SETD3: variants seen among roughly 807,000 people sequenced by gnomAD.
SETD3 encodes the protein actin-histidine N-methyltransferase.
Under a neutral mutation model 63.0 loss-of-function variants are expected in SETD3, and 19 were observed. That is an observed-to-expected ratio of 0.30 (90% CI 0.21 to 0.44). The LOEUF (loss-of-function observed/expected upper bound fraction) is 0.44, where lower values mean the gene tolerates loss of function less well. Among genes scored for constraint, SETD3 ranks in the 20% least tolerant of loss-of-function variants. The pLI, the probability that SETD3 is intolerant of heterozygous loss-of-function variation, is 1.00. For synonymous variants in SETD3, 286 were observed against 264.1 expected, an observed-to-expected ratio of 1.08 and a Z score of -0.80; for missense variants, 587 against 728.5, an observed-to-expected ratio of 0.81 and a Z score of 2.24.
intron 3 of SETD3, among the ~76,000 whole-genome samples, chr14:99,463,114 T>C (rs1895166230): frequency 1.3e-5 from 2 of 152,232 alleles, no homozygotes; most frequent in South Asian, 4.1e-4. Flanking sequence ...ACCTTGCTAA[T>C]GCATTAACCA....
At chr14:99,402,520 T>C (rs1244976566) in intron 11 of SETD3, among the ~76,000 whole-genome samples, 1 of 152,150 alleles carries the variant, frequency 6.6e-6, no homozygotes, top group African/African-American at 2.4e-5. Context: ...CCTCCCAGGC[T>C]CAATCAATCC....
chr14:99,478,489 C>A (rs921262446), intron 1 of SETD3, among the ~76,000 whole-genome samples: 3 of 152,226 alleles, frequency 2.0e-5, no homozygotes, highest in South Asian at 2.1e-4. Flanking sequence ...AGTTCTAAAC[C>A]CTACTTCGGA....
chr14:99,431,616 G>A (rs946769812), intron 6 of SETD3, among the ~76,000 whole-genome samples: 6 of 151,954 alleles, frequency 3.9e-5, no homozygotes, highest in Admixed American at 2.6e-4. Flanking sequence ...CTCAGCTCCT[G>A]AGTAGGTGGG....
At chr14:99,467,262 A>G (rs1173703209) in intron 1 of SETD3, among the ~76,000 whole-genome samples, 1 of 152,270 alleles carries the variant, frequency 6.6e-6, no homozygotes, top group Non-Finnish European at 1.5e-5. Flanking sequence ...TGGTAAAAAT[A>G]CATAAAACTT....
At chr14:99,466,020 C>G (rs570500222) in intron 1 of SETD3, among the ~76,000 whole-genome samples, 1 of 151,900 alleles carries the variant, frequency 6.6e-6, no homozygotes, top group South Asian at 2.1e-4. Context: ...TTTGTAGTCT[C>G]TGGAAGAAAA....
At chr14:99,452,278 T>C (rs1894506315) in intron 6 of SETD3, among the ~76,000 whole-genome samples, 1 of 152,212 alleles carries the variant, frequency 6.6e-6, no homozygotes, top group Non-Finnish European at 1.5e-5. Flanking sequence ...GGCTAATTTT[T>C]GTATTCTCAG....
intron 6 of SETD3, among the ~76,000 whole-genome samples, chr14:99,441,333 C>T (rs1487744647): frequency 6.6e-6 from 1 of 152,230 alleles, no homozygotes; most frequent in Non-Finnish European, 1.5e-5. Flanking sequence ...CCACACGTGA[C>T]TTACACGTAG....
rs927059999 is a variant in SETD3, at chr14:99,398,055, CTATA to C, written c.*620_*623del. On this transcript the variant is annotated 3_prime_UTR_variant, in exon 13 of 13. Coordinates refer to ENST00000331768, the MANE Select transcript of SETD3 (RefSeq NM_032233.3). Reference sequence around the variant, plus strand: ...AAAGTAAACAAATCTTTAGAAATCACTATATATATGTGTGTTTATATATATATTT... The same window carrying C: ...AAAGTAAACAAATCTTTAGAAATCACTATATGTGTGTTTATATATATATTT... 7 of 152,476 alleles carry C rather than the reference CTATA, an allele frequency of 4.6e-5. No individual in the cohort carries two copies. The highest frequency in any genetic ancestry group is 7.4e-5 in the Non-Finnish European group (5 of 68,018). The allele number at this position is 152,476 out of a possible 1,614,324, so 9.4% of individuals were successfully genotyped here.
chr14:99,468,128 C>T (rs1895496164), intron 1 of SETD3, among the ~76,000 whole-genome samples: 1 of 151,090 alleles, frequency 6.6e-6, no homozygotes, highest in Non-Finnish European at 1.5e-5. Flanking sequence ...AGAACCACTA[C>T]CACACTGCCT....
intron 6 of SETD3, among the ~76,000 whole-genome samples, chr14:99,449,638 C>T (rs922717757): frequency 2.0e-5 from 3 of 152,066 alleles, no homozygotes; most frequent in African/African-American, 7.2e-5. Context: ...TGAGAAGATT[C>T]GACAACTAAA....
intron 6 of SETD3, among the ~76,000 whole-genome samples, chr14:99,448,782 C>T (rs976972584): frequency 2.6e-5 from 4 of 152,182 alleles, no homozygotes; most frequent in Admixed American, 6.5e-5. Flanking sequence ...AACACGTTTG[C>T]TTCTAGGGAA....
At chr14:99,464,544 C>T (rs1381913639) in intron 2 of SETD3, among the ~76,000 whole-genome samples, 1 of 152,174 alleles carries the variant, frequency 6.6e-6, no homozygotes, top group East Asian at 1.9e-4. Context: ...AGGACAGCCA[C>T]ACTCCACCGG....
chr14:99,430,094 G>T (rs1893091148), intron 6 of SETD3, among the ~76,000 whole-genome samples: 1 of 152,238 alleles, frequency 6.6e-6, no homozygotes, highest in South Asian at 2.1e-4. Context: ...AGCGTTTTCA[G>T]TAAGTTTCCC....
At chr14:99,481,992 G>C (rs999097770), upstream of SETD3, among the ~76,000 whole-genome samples, 1 of 152,150 alleles carries the variant, frequency 6.6e-6, no homozygotes, top group African/African-American at 2.4e-5. Flanking sequence ...ATTAGATTTC[G>C]TTCTTGCCCA....
chr14:99,409,451 C>A (rs918109878), intron 8 of SETD3, among the ~76,000 whole-genome samples: 1 of 152,172 alleles, frequency 6.6e-6, no homozygotes, highest in Non-Finnish European at 1.5e-5. Flanking sequence ...TGGAAGCCTC[C>A]AGCAGCTCCA....
intron 6 of SETD3, among the ~76,000 whole-genome samples, chr14:99,449,765 T>G (rs978999621): frequency 5.9e-5 from 9 of 152,232 alleles, no homozygotes; most frequent in African/African-American, 2.2e-4. Flanking sequence ...ACTTCCTGGT[T>G]TAGATCATTA....
At chr14:99,452,195 C>T (rs1280496484) in intron 6 of SETD3, among the ~76,000 whole-genome samples, 1 of 152,040 alleles carries the variant, frequency 6.6e-6, no homozygotes, top group Non-Finnish European at 1.5e-5. Flanking sequence ...CAACCTCTGC[C>T]TCCCGGGTTC....
At chr14:99,454,330 C>T (rs1357966533) in intron 6 of SETD3, among the ~76,000 whole-genome samples, 2 of 152,068 alleles carry the variant, frequency 1.3e-5, no homozygotes, top group South Asian at 2.1e-4. Flanking sequence ...GCTGGGACGA[C>T]AGGTGTATGC....
chr14:99,479,738 T>C (rs113094160), intron 1 of SETD3, among the ~76,000 whole-genome samples: 9 of 152,358 alleles, frequency 5.9e-5, no homozygotes, highest in African/African-American at 1.2e-4. Flanking sequence ...CGAGGATTCT[T>C]AAAAGCAAAA....
Sources: allele counts gnomAD v4.1 joint callset (sites outside exome capture counted in the v4.1 genomes callset), GRCh38; gene constraint gnomAD v4.1.1; transcripts MANE v1.5; gene names NCBI Gene and HGNC (gene_info 2026-07-23, HGNC 2026-07-21).